BAZ2B: variants seen among roughly 807,000 people sequenced by gnomAD.
The protein encoded by BAZ2B is bromodomain adjacent to zinc finger domain protein 2B.
In BAZ2B, 91 loss-of-function variants were observed where a neutral mutation model predicts 246.0. That is an observed-to-expected ratio of 0.37 (90% CI 0.31 to 0.44). The LOEUF is 0.44. Ranked by LOEUF, BAZ2B falls within the 20% of genes least tolerant of loss-of-function variation. The pLI, the probability that BAZ2B is intolerant of heterozygous loss-of-function variation, is 1.00. For missense variants in BAZ2B, 2,332 were observed against 2,533.7 expected (o/e 0.92, Z 1.71); for synonymous variants, 855 against 860.0 (o/e 0.99, Z 0.10).
Position 159,399,063 on chromosome 2 carries a change from A to G in BAZ2B, c.2899-169T>C, listed in dbSNP as rs2064527578. On this transcript the variant is annotated intron_variant, in intron 17 of 36. Transcript: ENST00000392783. ...AGTTAACATTATGTTTAACGTAATA[A>G]TTTTGTTTCTAATTTATAGAATAGC... The G allele has an allele frequency of 1.2e-5, 6 of 520,896 alleles. No homozygotes were observed. The Admixed American group carries it at 1.6e-4, about 14-fold the overall frequency. 32.3% of individuals were successfully genotyped at this position (520,896 alleles called of 1,614,324 possible).
intron 4 of BAZ2B, among the ~76,000 whole-genome samples, chr2:159,452,093 T>C (rs2075170036): frequency 6.6e-6 from 1 of 152,182 alleles, no homozygotes. Context: ...ATGTTAAAAC[T>C]TGGTTTAAGA....
intron 2 of BAZ2B, among the ~76,000 whole-genome samples, chr2:159,538,887 C>T (rs1380246648): frequency 6.6e-6 from 1 of 152,168 alleles, no homozygotes; most frequent in African/African-American, 2.4e-5. Flanking sequence ...TGCAACATAA[C>T]GCTTTTTCAC....
At chr2:159,502,610 G>A (rs1257818784) in intron 2 of BAZ2B, among the ~76,000 whole-genome samples, 1 of 152,152 alleles carries the variant, frequency 6.6e-6, no homozygotes, top group Non-Finnish European at 1.5e-5. Context: ...CTCCAGCCTA[G>A]GCAATAGAGC....
At chr2:159,316,482 G>C (rs1179277218), downstream of BAZ2B, among the ~76,000 whole-genome samples, 1 of 151,750 alleles carries the variant, frequency 6.6e-6, no homozygotes, top group African/African-American at 2.4e-5. Context: ...ACGAGGTCAG[G>C]AGATCGAGAC....
At chr2:159,660,430 C>T in the BAZ2B span, among the ~76,000 whole-genome samples, 1 of 152,106 alleles carries the variant, frequency 6.6e-6, no homozygotes, top group South Asian at 2.1e-4. Context: ...TAATCTGTGA[C>T]TTCTTCTGTA....
chr2:159,551,130 T>C (rs1228228519), intron 2 of BAZ2B, among the ~76,000 whole-genome samples: 1 of 152,014 alleles, frequency 6.6e-6, no homozygotes, highest in Admixed American at 6.6e-5. Context: ...AGAGCCACTG[T>C]GCCCAGGCAA....
At chr2:159,372,695 G>A (rs1371926709) in intron 27 of BAZ2B, among the ~76,000 whole-genome samples, 1 of 152,214 alleles carries the variant, frequency 6.6e-6, no homozygotes, top group Non-Finnish European at 1.5e-5. Flanking sequence ...CAGGATGTAT[G>A]CTTATTGTAA....
intron 34 of BAZ2B, among the ~76,000 whole-genome samples, chr2:159,329,085 C>T (rs750462600): frequency 4.7e-5 from 7 of 148,264 alleles, no homozygotes; most frequent in South Asian, 2.1e-4. Flanking sequence ...GAGCCAAGAT[C>T]GTGCCACTGC....
intron 13 of BAZ2B, among the ~76,000 whole-genome samples, chr2:159,423,037 C>T (rs1012041067): frequency 2.6e-4 from 40 of 152,010 alleles, no homozygotes; most frequent in Admixed American, 2.0e-3. Flanking sequence ...TATTGTTGGC[C>T]GGGTGTGGTG....
At chr2:159,398,053 C>T (rs987333598) in intron 18 of BAZ2B, 10 of 151,948 alleles carry the variant, frequency 6.6e-5, no homozygotes, top group African/African-American at 2.2e-4. Flanking sequence ...TAACGGCAGA[C>T]ATGAAAAGGT....
At chr2:159,709,007 T>C in the BAZ2B span, among the ~76,000 whole-genome samples, 2 of 152,114 alleles carry the variant, frequency 1.3e-5, no homozygotes, top group Non-Finnish European at 2.9e-5. Flanking sequence ...TAAAAATTTA[T>C]AAAGGCACTA....
At chr2:159,706,213 A>C in the BAZ2B span, among the ~76,000 whole-genome samples, 2 of 152,180 alleles carry the variant, frequency 1.3e-5, no homozygotes, top group Non-Finnish European at 2.9e-5. Flanking sequence ...AGACAGAGGC[A>C]GAAGAGCCAA....
intron 25 of BAZ2B, among the ~76,000 whole-genome samples, chr2:159,376,456 G>A (rs2161080): frequency 0.82 from 124,007 of 152,066 alleles, 51,357 homozygotes; most frequent in Middle Eastern, 0.91. Context: ...TCATTCATCC[G>A]CTCCTTACCC....
intron 3 of BAZ2B, among the ~76,000 whole-genome samples, chr2:159,457,109 T>G (rs1171455677): frequency 6.6e-6 from 1 of 152,178 alleles, no homozygotes; most frequent in Non-Finnish European, 1.5e-5. Flanking sequence ...CTTACAGAAT[T>G]ATTCTGTTAT....
At chr2:159,328,308 G>T (rs2064085555) in intron 34 of BAZ2B, among the ~76,000 whole-genome samples, 1 of 152,080 alleles carries the variant, frequency 6.6e-6, no homozygotes, top group African/African-American at 2.4e-5. Flanking sequence ...CAAATTCAAA[G>T]AGGAACTTAG....
chr2:159,514,185 C>G (rs1449338196), intron 2 of BAZ2B, among the ~76,000 whole-genome samples: 1 of 152,138 alleles, frequency 6.6e-6, no homozygotes, highest in African/African-American at 2.4e-5. Context: ...TTAATCTCCA[C>G]TCCTACTACA....
At chr2:159,580,219 A>C (rs941492959) in intron 1 of BAZ2B, among the ~76,000 whole-genome samples, 1 of 152,210 alleles carries the variant, frequency 6.6e-6, no homozygotes, top group African/African-American at 2.4e-5. Flanking sequence ...ACTTCAGTAA[A>C]GTCTCAGGAT....
At chr2:159,711,999 C>A in the BAZ2B span, 2 of 145,930 alleles carry the variant, frequency 1.4e-5, no homozygotes, top group African/African-American at 5.0e-5. Context: ...TCACACAGGG[C>A]GGGCAGGGAA....
chr2:159,599,557 G>T (rs906160820), intron 1 of BAZ2B, among the ~76,000 whole-genome samples: 1 of 152,028 alleles, frequency 6.6e-6, no homozygotes, highest in African/African-American at 2.4e-5. Flanking sequence ...GGTGGAGGTT[G>T]CTGTGGGCCG....
Sources: allele counts gnomAD v4.1 joint callset (sites outside exome capture counted in the v4.1 genomes callset), GRCh38; gene constraint gnomAD v4.1.1; transcripts MANE v1.5; gene names NCBI Gene and HGNC (gene_info 2026-07-23, HGNC 2026-07-21).